Variants in ERC1 observed in about 807,000 individuals in gnomAD.
The protein encoded by ERC1 is ELKS/RAB6-interacting/CAST family member 1, also known as RAB6 interacting protein 2.
In ERC1, 56 loss-of-function variants were observed where a neutral mutation model predicts 132.0. The observed-to-expected ratio is 0.42, with a 90% CI of 0.34 to 0.53. The LOEUF (loss-of-function observed/expected upper bound fraction) is 0.53. Among genes scored for constraint, ERC1 ranks in the 20% least tolerant of loss-of-function variants. ERC1 has a pLI of 0.03. For synonymous variants in ERC1, 478 were observed against 476.1 expected (o/e 1.00, Z -0.05); for missense variants, 1,202 against 1,349.9 (o/e 0.89, Z 1.72).
intron 8 of ERC1, among the ~76,000 whole-genome samples, chr12:1,177,834 G>A (rs1424202896): frequency 6.6e-6 from 1 of 152,190 alleles, no homozygotes; most frequent in Non-Finnish European, 1.5e-5. Flanking sequence ...TATCTGTGAA[G>A]AGCAATAAAG....
chr12:1,404,568 T>C (rs1270087113), intron 16 of ERC1, among the ~76,000 whole-genome samples: 1 of 152,246 alleles, frequency 6.6e-6, no homozygotes. Context: ...TTCAGTTTCC[T>C]ACCAGTGATA....
At chr12:1,006,809 A>G (rs916025764) in intron 1 of ERC1, among the ~76,000 whole-genome samples, 5 of 152,056 alleles carry the variant, frequency 3.3e-5, no homozygotes, top group African/African-American at 9.7e-5. Flanking sequence ...ATTCTTGTAA[A>G]TAGTATAGCA....
intron 7 of ERC1, among the ~76,000 whole-genome samples, chr12:1,131,450 G>A (rs764177481): frequency 6.6e-6 from 1 of 152,070 alleles, no homozygotes; most frequent in Non-Finnish European, 1.5e-5. Flanking sequence ...GAAAGTTAAG[G>A]TACGTTGAGA....
chr12:1,381,407 G>A (rs994934343), intron 16 of ERC1, among the ~76,000 whole-genome samples: 4 of 151,888 alleles, frequency 2.6e-5, no homozygotes, highest in African/African-American at 4.8e-5. Flanking sequence ...GCTGGAGTGC[G>A]GTGTGCAGTC....
At chr12:1,010,942 A>G (rs1331671098) in intron 1 of ERC1, among the ~76,000 whole-genome samples, 1 of 152,184 alleles carries the variant, frequency 6.6e-6, no homozygotes, top group Non-Finnish European at 1.5e-5. Flanking sequence ...TTATATACAC[A>G]GTGTGTACTA....
chr12:1,458,260 A>G (rs575985660), intron 18 of ERC1, among the ~76,000 whole-genome samples: 3 of 152,354 alleles, frequency 2.0e-5, no homozygotes, highest in African/African-American at 7.2e-5. Flanking sequence ...AGTGGCCCAC[A>G]TGGTTGAGAG....
chr12:1,041,655 A>G (rs189291530), intron 2 of ERC1, among the ~76,000 whole-genome samples: 1 of 152,196 alleles, frequency 6.6e-6, no homozygotes, highest in African/African-American at 2.4e-5. Flanking sequence ...ATTGTAATAA[A>G]ATATTATGAC....
chr12:1,281,055 G>C (rs1233294746), intron 14 of ERC1, among the ~76,000 whole-genome samples: 3 of 152,054 alleles, frequency 2.0e-5, no homozygotes, highest in Admixed American at 2.0e-4. Flanking sequence ...AAAATTTCCA[G>C]TTAAAATGGC....
intron 18 of ERC1, among the ~76,000 whole-genome samples, chr12:1,476,281 C>T (rs1440895064): frequency 1.3e-5 from 2 of 150,722 alleles, no homozygotes; most frequent in Non-Finnish European, 3.0e-5. Flanking sequence ...CTTAGCCAGG[C>T]GTGGTGGCAC....
At chr12:1,223,617 C>G (rs1277469455) in intron 12 of ERC1, among the ~76,000 whole-genome samples, 1 of 152,194 alleles carries the variant, frequency 6.6e-6, no homozygotes, top group Non-Finnish European at 1.5e-5. Context: ...CTACTATTTT[C>G]TTTCCCATCT....
At chr12:1,443,754 G>C (rs2093227568) in intron 17 of ERC1, 1 of 152,226 alleles carries the variant, frequency 6.6e-6, no homozygotes, top group African/African-American at 2.4e-5. Flanking sequence ...ATGAAATCCT[G>C]GGGCAGGAGT....
At chr12:1,390,382 T>C (rs1172298907) in intron 16 of ERC1, among the ~76,000 whole-genome samples, 1 of 152,152 alleles carries the variant, frequency 6.6e-6, no homozygotes, top group Non-Finnish European at 1.5e-5. Flanking sequence ...ATACCAACTG[T>C]CTATTAATAT....
rs1162510720 is a variant in ERC1 at position 1,122,583 on chromosome 12, ATCTC to A, written c.1569+6552_1569+6555del. On this transcript the variant is annotated intron_variant, in intron 7 of 18. Coordinates refer to ENST00000360905, the MANE Select transcript of ERC1 (RefSeq NM_178040.4). The stretch of plus-strand genomic sequence containing the variant: ...TATCTCTATCTGTGTCTCTATCTCT[ATCTC>A]TATCTCTATCTGTGTCTCTATCTCT... 1.7e-3 allele frequency among the ~76,000 whole-genome samples: 12 copies of A among 7,170 alleles called. 3 individuals are homozygous for A. Among genetic ancestry groups the A allele is most frequent in the South Asian group, 6.6e-3 (1 of 152 alleles). 4.7% of individuals were successfully genotyped at this position (7,170 alleles called of 152,430 possible).
intron 3 of ERC1, among the ~76,000 whole-genome samples, chr12:1,096,577 C>G (rs1293108855): frequency 6.6e-6 from 1 of 152,158 alleles, no homozygotes; most frequent in Non-Finnish European, 1.5e-5. Flanking sequence ...CATGGACAAA[C>G]TAGGCTGGGA....
At chr12:1,146,314 T>TTTTTTGTTGTTG (rs1555269109) in intron 8 of ERC1, among the ~76,000 whole-genome samples, 23 of 132,810 alleles carry the variant, frequency 1.7e-4, no homozygotes, top group African/African-American at 7.8e-4. Flanking sequence ...ACTGGTTTTT[T>TTTTTTGTTGTTG]TTTTTTTTTT....
intron 1 of ERC1, among the ~76,000 whole-genome samples, chr12:996,575 A>G (rs1168982242): frequency 6.6e-6 from 1 of 152,164 alleles, no homozygotes; most frequent in East Asian, 1.9e-4. Flanking sequence ...CCTGGGCTAC[A>G]TAGTGAGACC....
intron 12 of ERC1, among the ~76,000 whole-genome samples, chr12:1,219,786 C>G (rs549409138): frequency 2.8e-4 from 42 of 152,200 alleles, no homozygotes; most frequent in African/African-American, 9.6e-4. Context: ...CAGGTGCACA[C>G]CAACCATGCC....
chr12:1,065,014 T>C (rs1219672877), intron 2 of ERC1, among the ~76,000 whole-genome samples: 1 of 152,152 alleles, frequency 6.6e-6, no homozygotes, highest in African/African-American at 2.4e-5. Context: ...TCTTTTTCTT[T>C]TTTTGAGGCA....
At chr12:1,322,865 G>T (rs758757338) in intron 15 of ERC1, among the ~76,000 whole-genome samples, 3 of 152,102 alleles carry the variant, frequency 2.0e-5, no homozygotes, top group African/African-American at 7.2e-5. Flanking sequence ...GATTAATTCA[G>T]TTATCTCAAA....
Sources: allele counts gnomAD v4.1 joint callset (sites outside exome capture counted in the v4.1 genomes callset), GRCh38; gene constraint gnomAD v4.1.1; transcripts MANE v1.5; gene names NCBI Gene and HGNC (gene_info 2026-07-23, HGNC 2026-07-21).